WDFY2: variants seen among roughly 807,000 people sequenced by gnomAD.
The protein encoded by WDFY2 is WD repeat and FYVE domain-containing protein 2.
A neutral mutation model predicts 56.4 loss-of-function variants in WDFY2; 36 were observed. That is an observed-to-expected ratio of 0.64 (90% confidence interval 0.49 to 0.84). The LOEUF (loss-of-function observed/expected upper bound fraction) is 0.84. WDFY2 is among the 40% of genes least tolerant of loss of function. The pLI is 0.00. For missense variants in WDFY2, 444 were observed against 512.2 expected, an observed-to-expected ratio of 0.87 and a Z score of 1.29; for synonymous variants, 176 against 183.7, an observed-to-expected ratio of 0.96 and a Z score of 0.34.
rs986941314 is a variant in WDFY2 at position 51,665,711 on chromosome 13, C to G, written c.205+5048C>G. On this transcript the variant is annotated intron_variant, in intron 2 of 11. Coordinates refer to ENST00000298125, the MANE Select transcript of WDFY2 (RefSeq NM_052950.4). Reference sequence around the variant, plus strand: ...ATGGAGAATAGATCGATCAACTTGGCTGCCAAAGATGTTGTGAATAGGAGG... The same window carrying G: ...ATGGAGAATAGATCGATCAACTTGGGTGCCAAAGATGTTGTGAATAGGAGG... Among the ~76,000 whole-genome samples the G allele has an allele frequency of 2.0e-5, 3 of 152,118 alleles. No homozygotes were observed. In the East Asian group the frequency reaches 5.8e-4, roughly 29 times the overall value.
intron 4 of WDFY2, among the ~76,000 whole-genome samples, chr13:51,713,964 A>G (rs1170196067): frequency 6.6e-6 from 1 of 151,198 alleles, no homozygotes; most frequent in Non-Finnish European, 1.5e-5. Context: ...GGCCCAGGAG[A>G]GGGGGAAATG....
intron 1 of WDFY2, among the ~76,000 whole-genome samples, chr13:51,651,483 C>T (rs1955384696): frequency 6.6e-6 from 1 of 152,084 alleles, no homozygotes; most frequent in Non-Finnish European, 1.5e-5. Context: ...GCTCTTGCTT[C>T]TGTAGTTGTT....
At chr13:51,757,552 C>T (rs1015479152) in intron 10 of WDFY2, among the ~76,000 whole-genome samples, 15 of 151,840 alleles carry the variant, frequency 9.9e-5, no homozygotes, top group Admixed American at 9.2e-4. Context: ...GCACCTTTTC[C>T]CGCCTCTGTT....
Position 51,755,392 on chromosome 13 carries a change from A to G in WDFY2, c.866A>G (p.Lys289Arg). The stretch of plus-strand genomic sequence containing the variant: ...TGGTTGGACAGTGATTCCTGCCAAA[A>G]GTGTGATCAGCCTTTCTTCTGGAAC... ...PEWLDSDSCQKCDQPFFWNFK... is the reference protein window; with the variant it reads ...PEWLDSDSCQRCDQPFFWNFK... Residue 289 changes from lysine to arginine, a missense_variant, in exon 9 of 12, where the codon AAG (lysine) becomes AGG (arginine). Lys to Arg is a conservative substitution (Grantham distance 26). Transcript: ENST00000298125. 8 of 1,614,242 alleles carry G rather than the reference A, an allele frequency of 5.0e-6. No individual in the cohort carries two copies. Among genetic ancestry groups the G allele is most frequent in the Non-Finnish European group, 6.8e-6 (8 of 1,180,050 alleles).
intron 1 of WDFY2, among the ~76,000 whole-genome samples, chr13:51,652,089 T>G (rs1955401105): frequency 6.6e-6 from 1 of 152,256 alleles, no homozygotes; most frequent in African/African-American, 2.4e-5. Flanking sequence ...TGGGTGCTCC[T>G]GTATTGGGTG....
chr13:51,642,182 A>G (rs1955180297), intron 1 of WDFY2, among the ~76,000 whole-genome samples: 1 of 152,090 alleles, frequency 6.6e-6, no homozygotes, highest in Non-Finnish European at 1.5e-5. Context: ...TGTCTCTGTG[A>G]ATACCGTATT....
chr13:51,675,299 G>A (rs1011115048), intron 3 of WDFY2, 56 bp downstream of exon 3: 10 of 1,453,310 alleles, frequency 6.9e-6, no homozygotes, highest in Non-Finnish European at 9.5e-6. Flanking sequence ...TGTGGAGTAT[G>A]TATATGTATT....
In WDFY2 at chr13:51,618,767, T is replaced by C. The variant is rs74391944; in HGVS notation, c.137+33943T>C. 3.0e-3 allele frequency among the ~76,000 whole-genome samples: 459 copies of C among 152,356 alleles called. 2 individuals carry two copies. The highest frequency in any genetic ancestry group is 0.014 in the Middle Eastern group (4 of 294). On this transcript the variant is annotated intron_variant, in intron 1 of 11. Coordinates refer to ENST00000298125, the MANE Select transcript of WDFY2 (RefSeq NM_052950.4). ...CTCACAGATTGTTGCTGGGAATTTC[T>C]CTGAACACAGAACATCTCAGTTCTA...
intron 1 of WDFY2, among the ~76,000 whole-genome samples, chr13:51,657,818 C>G (rs1372814037): frequency 1.3e-5 from 2 of 152,100 alleles, no homozygotes; most frequent in Non-Finnish European, 2.9e-5. Context: ...AAATTTCTGT[C>G]TCTTTATTGA....
intron 1 of WDFY2, among the ~76,000 whole-genome samples, chr13:51,653,824 G>A (rs1286240018): frequency 2.6e-5 from 4 of 152,216 alleles, no homozygotes; most frequent in Non-Finnish European, 5.9e-5. Flanking sequence ...CTACTGGGGG[G>A]TGCCTCCCAG....
intron 1 of WDFY2, chr13:51,587,353 AC>A (rs1953962692): frequency 6.6e-6 from 1 of 152,178 alleles, no homozygotes; most frequent in African/African-American, 2.4e-5. Context: ...TTAGGGCCTA[AC>A]ATGGTACCTG....
intron 1 of WDFY2, among the ~76,000 whole-genome samples, chr13:51,652,899 C>T (rs1218753562): frequency 5.3e-5 from 8 of 152,186 alleles, no homozygotes; most frequent in South Asian, 4.2e-4. Flanking sequence ...TTGCTCGTCT[C>T]GAGGAGTATC....
intron 6 of WDFY2, among the ~76,000 whole-genome samples, chr13:51,731,267 G>A (rs1952717475): frequency 6.6e-6 from 1 of 152,174 alleles, no homozygotes; most frequent in Non-Finnish European, 1.5e-5. Context: ...GGAGCTCTGT[G>A]AGTTTTGTAT....
At chr13:51,700,419 A>G (rs745763499) in intron 3 of WDFY2, among the ~76,000 whole-genome samples, 1 of 152,212 alleles carries the variant, frequency 6.6e-6, no homozygotes, top group Non-Finnish European at 1.5e-5. Context: ...TGGTTGGTCA[A>G]TCCTAACAAA....
intron 1 of WDFY2, chr13:51,591,740 G>A (rs1954047731): frequency 6.6e-6 from 1 of 152,176 alleles, no homozygotes; most frequent in African/African-American, 2.4e-5. Context: ...CAGAGCTTTA[G>A]AAGAACTGGT....
chr13:51,636,416 C>G (rs1445621017), intron 1 of WDFY2, among the ~76,000 whole-genome samples: 2 of 152,146 alleles, frequency 1.3e-5, no homozygotes. Flanking sequence ...AGCAGAGAGG[C>G]AAAGAGGGAA....
At chr13:51,617,004 T>G (rs562360026) in intron 1 of WDFY2, among the ~76,000 whole-genome samples, 1 of 152,354 alleles carries the variant, frequency 6.6e-6, no homozygotes, top group South Asian at 2.1e-4. Context: ...CTGTGAAAGA[T>G]AAAATGATTC....
chr13:51,678,241 T>G (rs1396152935), intron 3 of WDFY2, among the ~76,000 whole-genome samples: 1 of 152,208 alleles, frequency 6.6e-6, no homozygotes, highest in East Asian at 1.9e-4. Context: ...AAAGTCTGTC[T>G]CTTCCATTAA....
At chr13:51,628,360 GT>G (rs1235553232) in intron 1 of WDFY2, among the ~76,000 whole-genome samples, 2 of 152,252 alleles carry the variant, frequency 1.3e-5, no homozygotes, top group Non-Finnish European at 2.9e-5. Flanking sequence ...CTTCAACTTT[GT>G]TCTGAAATCA....
Sources: allele counts gnomAD v4.1 joint callset (sites outside exome capture counted in the v4.1 genomes callset), GRCh38; gene constraint gnomAD v4.1.1; transcripts MANE v1.5; gene names NCBI Gene and HGNC (gene_info 2026-07-23, HGNC 2026-07-21).